CNBD2: variants seen among roughly 807,000 people sequenced by gnomAD.
The protein encoded by CNBD2 is cyclic nucleotide binding domain containing 2.
Under a neutral mutation model 63.7 loss-of-function variants are expected in CNBD2, and 64 were observed. That is an observed-to-expected ratio of 1.00 (90% CI 0.82 to 1.24). CNBD2 has a LOEUF of 1.24. Ranked by LOEUF, CNBD2 falls within the 50% of genes most tolerant of loss-of-function variation. The probability of loss-of-function intolerance (pLI) is 0.00; values close to 1 mark genes in which losing one functional copy is unlikely to be tolerated. For missense variants in CNBD2, 691 were observed against 713.5 expected, an observed-to-expected ratio of 0.97 and a Z score of 0.36; for synonymous variants, 229 against 255.4, an observed-to-expected ratio of 0.90 and a Z score of 0.99.
rs1378628338 is a variant in CNBD2 at position 36,011,244 on chromosome 20, A to T, written c.1256A>T (p.Gln419Leu). Residue 419 changes from glutamine to leucine, a missense_variant, in exon 10 of 12, where the codon CAG (glutamine) becomes CTG (leucine). By Grantham distance (113) the Gln-to-Leu change is moderately radical. Coordinates refer to ENST00000373973, the MANE Select transcript of CNBD2 (RefSeq NM_001365709.1). ...GAYVKVHTVEQGEILGLHQAF... is the reference protein window; with the variant it reads ...GAYVKVHTVELGEILGLHQAF... ...TACGTGAAGGTGCACACTGTGGAGC[A>T]GGGAGAAATTTTGGTGAGTGTGCCA... The T allele has an allele frequency of 6.4e-7, 1 of 1,563,482 alleles. No individual in the cohort carries two copies. Among genetic ancestry groups the T allele is most frequent in the South Asian group, 1.2e-5 (1 of 83,276 alleles).
chr20:36,010,774 GAA>G (rs10709929), intron 9 of CNBD2, among the ~76,000 whole-genome samples: 4 of 145,654 alleles, frequency 2.7e-5, no homozygotes, highest in East Asian at 4.0e-4. Flanking sequence ...AGAAAAAAAA[GAA>G]AAAAAAAAAG....
intron 4 of CNBD2, among the ~76,000 whole-genome samples, chr20:35,981,719 C>T (rs538046838): frequency 5.3e-5 from 8 of 152,234 alleles, no homozygotes; most frequent in Non-Finnish European, 8.8e-5. Context: ...GGATTACAGA[C>T]GTGTACCACC....
intron 11 of CNBD2, among the ~76,000 whole-genome samples, chr20:36,024,742 A>C (rs999394181): frequency 2.0e-5 from 3 of 152,264 alleles, no homozygotes; most frequent in African/African-American, 7.2e-5. Flanking sequence ...CAGCTGGCCA[A>C]CATGGTGAAA....
intron 3 of CNBD2, among the ~76,000 whole-genome samples, chr20:35,978,090 A>G (rs1038170859): frequency 1.4e-4 from 22 of 152,220 alleles, no homozygotes; most frequent in African/African-American, 5.3e-4. Flanking sequence ...CAATGGATAC[A>G]TTTACAAAAC....
chr20:35,969,125 T>C (rs2056377386), intron 1 of CNBD2, among the ~76,000 whole-genome samples: 1 of 152,196 alleles, frequency 6.6e-6, no homozygotes, highest in Non-Finnish European at 1.5e-5. Context: ...AGGTTAAGCT[T>C]GTGAACTCTG....
chr20:35,981,160 G>A (rs75472718), intron 4 of CNBD2, among the ~76,000 whole-genome samples: 4,558 of 152,294 alleles, frequency 0.03, 128 homozygotes, highest in African/African-American at 0.074. Context: ...ACAGATGTCT[G>A]CTTTTGGAGA....
intron 10 of CNBD2, among the ~76,000 whole-genome samples, chr20:36,020,671 G>A (rs2057195590): frequency 6.6e-6 from 1 of 152,118 alleles, no homozygotes; most frequent in South Asian, 2.1e-4. Context: ...ATGGTTGTAA[G>A]GTGTAAATTC....
At chr20:36,009,196 G>C (rs974330489) in intron 9 of CNBD2, among the ~76,000 whole-genome samples, 1 of 150,510 alleles carries the variant, frequency 6.6e-6, no homozygotes, top group African/African-American at 2.4e-5. Context: ...GCAAGATCTT[G>C]TCTCTCTCTT....
At chr20:35,975,922 C>T in intron 2 of CNBD2, 27 bp from the exon 3 acceptor site, 1 of 1,607,844 alleles carries the variant, frequency 6.2e-7, no homozygotes, top group South Asian at 1.1e-5. Flanking sequence ...CTGATTCTCC[C>T]TCTTCTCCCT....
At chr20:35,982,745 CAG>C (rs1051761244) in intron 4 of CNBD2, among the ~76,000 whole-genome samples, 3 of 150,540 alleles carry the variant, frequency 2.0e-5, no homozygotes, top group Non-Finnish European at 4.4e-5. Flanking sequence ...TTTTTTGAGA[CAG>C]AGTCACCCAG....
intron 2 of CNBD2, 172 bp downstream of exon 2, chr20:35,972,938 A>T: frequency 1.6e-6 from 1 of 640,644 alleles, no homozygotes; most frequent in Non-Finnish European, 2.7e-6. Flanking sequence ...GGTGACTTAC[A>T]TCATCAACCA....
intron 2 of CNBD2, chr20:35,973,939 C>G (rs2056461674): frequency 6.6e-6 from 1 of 152,088 alleles, no homozygotes; most frequent in South Asian, 2.1e-4. Flanking sequence ...TCAGGAATGA[C>G]TAGAGCCAGT....
chr20:35,964,960 C>A (rs185179998), upstream of CNBD2, among the ~76,000 whole-genome samples: 3 of 152,240 alleles, frequency 2.0e-5, no homozygotes, highest in African/African-American at 7.2e-5. Flanking sequence ...CTTGGTCTCC[C>A]AAAGTGCTGG....
intron 6 of CNBD2, among the ~76,000 whole-genome samples, chr20:35,985,720 T>G (rs1340484300): frequency 6.6e-6 from 1 of 152,174 alleles, no homozygotes; most frequent in Non-Finnish European, 1.5e-5. Flanking sequence ...ACTCCTGGCC[T>G]CAAGTGATCT....
At chr20:35,958,946 G>C (rs2056283911), downstream of CNBD2, 1 of 152,220 alleles carries the variant, frequency 6.6e-6, no homozygotes, top group Admixed American at 6.5e-5. Flanking sequence ...GTGGTTGCTT[G>C]TATCAATAGT....
chr20:36,021,102 G>T (rs921660853), intron 10 of CNBD2, among the ~76,000 whole-genome samples: 1 of 152,124 alleles, frequency 6.6e-6, no homozygotes, highest in Non-Finnish European at 1.5e-5. Context: ...TGGCCCAGGA[G>T]GTACTGTGTG....
chr20:35,960,486 C>T (rs920276570), intron 2 of CNBD2, among the ~76,000 whole-genome samples: 9 of 152,196 alleles, frequency 5.9e-5, no homozygotes, highest in South Asian at 2.1e-4. Context: ...ACCACAGGCG[C>T]GTACCGCCAT....
chr20:35,993,557 G>A (rs1280336347), intron 7 of CNBD2, among the ~76,000 whole-genome samples: 1 of 152,096 alleles, frequency 6.6e-6, no homozygotes. Flanking sequence ...ATATTATTGA[G>A]TTTCTTAAAA....
At chr20:35,968,974 T>A (rs1228277388) in intron 1 of CNBD2, among the ~76,000 whole-genome samples, 161 bp downstream of exon 1, 2 of 152,226 alleles carry the variant, frequency 1.3e-5, no homozygotes, top group Non-Finnish European at 2.9e-5. Flanking sequence ...CCCTGCCCTG[T>A]AGCCTACCAG....
Sources: gnomAD v4.1 joint callset for allele counts (sites outside exome capture counted in the v4.1 genomes callset) on GRCh38, gnomAD v4.1.1 for gene constraint, MANE v1.5 for transcripts, NCBI Gene and HGNC (gene_info 2026-07-23, HGNC 2026-07-21) for gene names.